The following TSEN54 variants were observed in gnomAD, a reference collection of about 807,000 sequenced individuals.
TSEN54 encodes tRNA-splicing endonuclease subunit Sen54.
A neutral mutation model predicts 61.9 loss-of-function variants in TSEN54; 55 were observed. The observed-to-expected ratio is 0.89, with a 90% CI of 0.72 to 1.11. TSEN54 has a LOEUF of 1.11. Ranked by LOEUF, TSEN54 falls within the 50% of genes most tolerant of loss-of-function variation. TSEN54 has a pLI of 0.00. For synonymous variants in TSEN54, 304 were observed against 288.7 expected (o/e 1.05, Z -0.54); for missense variants, 760 against 687.7 (o/e 1.11, Z -1.18).
At chr17:75,519,412 G>A (rs960080855) in intron 6 of TSEN54, among the ~76,000 whole-genome samples, 1 of 152,144 alleles carries the variant, frequency 6.6e-6, no homozygotes, top group African/African-American at 2.4e-5. Context: ...CCATTAGTAG[G>A]GTTTCACATT....
chr17:75,518,050 C>G (rs981469769), intron 5 of TSEN54, among the ~76,000 whole-genome samples: 1 of 152,178 alleles, frequency 6.6e-6, no homozygotes, highest in African/African-American at 2.4e-5. Flanking sequence ...GATTACCGCC[C>G]ATGATTTGGG....
chr17:75,522,469 C>T (rs1210611244), intron 8 of TSEN54, 136 bp downstream of exon 8: 17 of 1,511,084 alleles, frequency 1.1e-5, no homozygotes, highest in South Asian at 2.5e-5. Flanking sequence ...CCCACAAGCA[C>T]GGTCAGTTCT....
At chr17:75,516,643 T>G in intron 1 of TSEN54, 27 bp downstream of exon 1, 1 of 1,231,962 alleles carries the variant, frequency 8.1e-7, no homozygotes, top group Non-Finnish European at 1.0e-6. Flanking sequence ...CCGGAGTGGG[T>G]GTCGGGGGCG....
Position 75,523,733 on chromosome 17 carries a change from C to T in TSEN54, c.1384C>T (p.Arg462Ter), listed in dbSNP as rs201775186. Reference protein sequence around the residue: ...VYQADAVATFRKNNPGKPYAR... With the variant: ...VYQADAVATF ...CCAGGCCGACGCTGTGGCCACATTC[C>T]GAAAGAATAACCCTGGCAAACCCTA... Residue 462 changes from arginine to a stop codon, truncating the protein, a stop_gained, in exon 10 of 11, where the codon CGA becomes TGA. Transcript: ENST00000333213. LOFTEE classifies it high-confidence loss of function. The T allele has an allele frequency of 1.2e-5, 20 of 1,614,082 alleles. No homozygotes were observed. The highest frequency in any genetic ancestry group is 8.9e-5 in the East Asian group (4 of 44,876).
intron 8 of TSEN54, chr17:75,523,045 G>A (rs1368025305): frequency 1.5e-5 from 8 of 539,124 alleles, no homozygotes; most frequent in Non-Finnish European, 2.7e-5. Context: ...CGGGTGTGGT[G>A]GTGCACACTT....
rs1444929555 is a variant in TSEN54, at chr17:75,523,316, C to T, written c.1294C>T (p.Leu432Phe). 7 of 1,614,030 alleles carry T rather than the reference C, an allele frequency of 4.3e-6. No homozygotes were observed. The Admixed American group carries it at 1.2e-4, about 27-fold the overall frequency. ...QHISVLQTTH[L>F]PDGGARLLEK... ...TATCTCTGTGCTGCAGACAACACAC[C>T]TTCCTGATGGAGGTGCCCGGTAAGT... Residue 432 changes from leucine (L) to phenylalanine (F), a missense_variant, in exon 9 of 11, where the codon CTT becomes TTT. By Grantham distance (22) the Leu-to-Phe change is conservative. Transcript: ENST00000333213.
In TSEN54 at chr17:75,517,596, A is replaced by C. The variant is rs11559205; in HGVS notation, c.409A>C (p.Ile137Leu). The change falls in exon 5 of 11, where the codon ATC becomes CTC. Residue 137 changes from isoleucine to leucine, a missense_variant. By Grantham distance (5) the Ile-to-Leu change is conservative. This residue lies in a region of TSEN54 where 667 missense variants were observed against 577.8 expected (regional missense o/e 1.15). Coordinates refer to ENST00000333213, the MANE Select transcript of TSEN54 (RefSeq NM_207346.3). ...CTTCCACCAAGACCTGCCACTGTCTATCCAGGAAGCTTACCAGCTGCTGCT... is the reference window on the plus strand; with the variant it reads ...CTTCCACCAAGACCTGCCACTGTCTCTCCAGGAAGCTTACCAGCTGCTGCT... ...HLFHQDLPLS[I>L]QEAYQLLLTD... is the part of the protein sequence containing the mutation. 116,892 of 1,613,612 alleles carry C rather than the reference A, an allele frequency of 0.072. 5,068 individuals carry two copies. Among genetic ancestry groups the C allele is most frequent in the African/African-American group, 0.18 (13,544 of 74,874 alleles).
intron 6 of TSEN54, among the ~76,000 whole-genome samples, chr17:75,520,072 C>G (rs1400430216): frequency 6.6e-6 from 1 of 151,902 alleles, no homozygotes. Flanking sequence ...AGAACACACT[C>G]ACTGTGCAAA....
chr17:75,520,455 A>G (rs936136305), intron 6 of TSEN54, among the ~76,000 whole-genome samples: 3 of 149,850 alleles, frequency 2.0e-5, no homozygotes, highest in African/African-American at 7.4e-5. Context: ...GTGTGGTGGC[A>G]GGCGCCTATA....
At chr17:75,518,416 C>G (rs2053395764) in intron 5 of TSEN54, 4 of 526,096 alleles carry the variant, frequency 7.6e-6, no homozygotes, top group Admixed American at 1.3e-4. Context: ...TCTGGTGATG[C>G]AGGAGAAAAA....
At chr17:75,520,502 C>T (rs1443810369) in intron 6 of TSEN54, among the ~76,000 whole-genome samples, 1 of 149,228 alleles carries the variant, frequency 6.7e-6, no homozygotes, top group East Asian at 1.9e-4. Flanking sequence ...ACGAGAATTG[C>T]TTGAACCTGG....
Position 75,517,015 on chromosome 17 carries a change from C to A in TSEN54, c.228C>A (p.Ser76Arg). The change falls in exon 3 of 11, where the codon AGC becomes AGA. Residue 76 changes from serine (S) to arginine (R), a missense_variant. Ser to Arg is a moderately radical substitution (Grantham distance 110). Coordinates refer to ENST00000333213, the MANE Select transcript of TSEN54 (RefSeq NM_207346.3). ...LAEQRVERLGSLVAAEWRPEE... is the reference protein window; with the variant it reads ...LAEQRVERLGRLVAAEWRPEE... Reference sequence around the variant, plus strand: ...CCTCCCCACTCCTCGCCAGGGGCAGCTTGGTGGCTGCCGAGTGGAGGCCAG... The same window carrying A: ...CCTCCCCACTCCTCGCCAGGGGCAGATTGGTGGCTGCCGAGTGGAGGCCAG... 6.3e-7 allele frequency: 1 copy of A among 1,587,508 alleles called. No individual in the cohort carries two copies. Among genetic ancestry groups the A allele is most frequent in the Non-Finnish European group, 8.6e-7 (1 of 1,167,600 alleles).
At chr17:75,523,082 G>C in intron 8 of TSEN54, 193 bp from the exon 9 acceptor site, 1 of 674,388 alleles carries the variant, frequency 1.5e-6, no homozygotes, top group Non-Finnish European at 2.7e-6. Context: ...AGGAGGCTGA[G>C]ACAGGAGAAT....
chr17:75,521,416 C>G lies in TSEN54; in HGVS notation c.529C>G (p.Leu177Val). Reference sequence around the variant, plus strand: ...GCTGTTCTCACCCCACAGCTCTGTCCTGTCCCCGTATGAGAGGCAGCTTAA... The same window carrying G: ...GCTGTTCTCACCCCACAGCTCTGTCGTGTCCCCGTATGAGAGGCAGCTTAA... ...VVRRFQPSSV[L>V]SPYERQLNLD... is the part of the protein sequence containing the mutation. Residue 177 changes from leucine (L) to valine (V), a missense_variant, in exon 7 of 11, where the codon CTG becomes GTG. Coordinates refer to ENST00000333213, the MANE Select transcript of TSEN54 (RefSeq NM_207346.3). The G allele has an allele frequency of 6.2e-7, 1 of 1,614,032 alleles. No individual in the cohort carries two copies. The highest frequency in any genetic ancestry group is 1.1e-5 in the South Asian group (1 of 91,084).
In TSEN54 at chr17:75,522,160, C is replaced by T. The variant is rs368377822; in HGVS notation, c.1079C>T (p.Ala360Val). 1.4e-4 allele frequency: 215 copies of T among 1,554,888 alleles called. 1 individual carries two copies. The highest frequency in any genetic ancestry group is 5.7e-4 in the Admixed American group (30 of 52,838). ...RREREHHAEA[A>V]QFQEDVNADP... ...GAACGGGAGCACCACGCGGAGGCCG[C>T]GCAGTTCCAGGAAGATGTCAACGCC... Residue 360 changes from alanine to valine, a missense_variant, in exon 8 of 11, where the codon GCG becomes GTG. Ala to Val is a moderately conservative substitution (Grantham distance 64). Transcript: ENST00000333213.
At chr17:75,522,572 AAG>A (rs1362264938) in intron 8 of TSEN54, 1 of 1,412,540 alleles carries the variant, frequency 7.1e-7, no homozygotes, top group African/African-American at 1.4e-5. Context: ...TATCCTTAAA[AAG>A]ATAAACAACA....
At chr17:75,523,384 T>C (rs763192710) in intron 9 of TSEN54, 49 bp downstream of exon 9, 12 of 1,612,714 alleles carry the variant, frequency 7.4e-6, no homozygotes, top group African/African-American at 1.3e-5. Context: ...CCGCCAGGAG[T>C]TGGTGGTTAG....
chr17:75,517,600 A>T lies in TSEN54; in HGVS notation c.413A>T (p.Gln138Leu). 6.2e-7 allele frequency: 1 copy of T among 1,613,778 alleles called. No homozygotes were observed. The highest frequency in any genetic ancestry group is 1.3e-5 in the African/African-American group (1 of 74,928). ...CACCAAGACCTGCCACTGTCTATCC[A>T]GGAAGCTTACCAGCTGCTGCTGACC... is the stretch of plus-strand genomic sequence containing the variant. ...LFHQDLPLSI[Q>L]EAYQLLLTDH... Residue 138 changes from glutamine to leucine, a missense_variant, in exon 5 of 11, where the codon CAG becomes CTG. This residue lies in a region of TSEN54 where 667 missense variants were observed against 577.8 expected (regional missense o/e 1.15). Transcript: ENST00000333213.
At position 75,517,547 on chromosome 17, in the gene TSEN54, C is replaced by G; in HGVS notation, c.370-10C>G. ...GGGCTCATAAGCTGAGCTGTTGGCC[C>G]CACTTCCAGGGCTCCATCCACCTCT... On this transcript the variant is annotated splice_polypyrimidine_tract_variant and intron_variant, in intron 4 of 10. Coordinates refer to ENST00000333213, the MANE Select transcript of TSEN54 (RefSeq NM_207346.3). The G allele has an allele frequency of 1.2e-6, 2 of 1,612,734 alleles. No homozygotes were observed. The highest frequency in any genetic ancestry group is 1.7e-6 in the Non-Finnish European group (2 of 1,179,108).
Sources: gnomAD v4.1 joint callset for allele counts (sites outside exome capture counted in the v4.1 genomes callset) on GRCh38, gnomAD v4.1.1 for gene constraint, gnomAD v4.1.1 regional missense constraint, MANE v1.5 for transcripts, NCBI Gene and HGNC (gene_info 2026-07-23, HGNC 2026-07-21) for gene names.